SYNCRIP: variants seen among roughly 807,000 people sequenced by gnomAD.
SYNCRIP encodes the protein synaptotagmin binding cytoplasmic RNA interacting protein.
Under a neutral mutation model 68.9 loss-of-function variants are expected in SYNCRIP, and 9 were observed. The observed-to-expected ratio is 0.13, with a 90% CI of 0.08 to 0.23. The LOEUF is 0.23. Among genes scored for constraint, SYNCRIP ranks in the 10% least tolerant of loss-of-function variants. The pLI is 1.00. For synonymous variants in SYNCRIP, 258 were observed against 254.0 expected (o/e 1.02, Z -0.15); for missense variants, 414 against 770.6 (o/e 0.54, Z 5.48).
At chr6:85,612,842 C>T (rs765137537), downstream of SYNCRIP, 6 of 1,547,964 alleles carry the variant, frequency 3.9e-6, no homozygotes, top group Non-Finnish European at 5.2e-6. Context: ...CATTACTCCA[C>T]TGCAAGCTTC....
chr6:85,627,265 C>T (rs1206897897), intron 6 of SYNCRIP, among the ~76,000 whole-genome samples: 2 of 140,186 alleles, frequency 1.4e-5, no homozygotes, highest in Non-Finnish European at 3.1e-5. Context: ...AAGACTCCAT[C>T]TCTACAAAAA....
In SYNCRIP at chr6:85,614,466, G is replaced by A; in HGVS notation, c.*290C>T. On this transcript the variant is annotated 3_prime_UTR_variant, in exon 11 of 11. Coordinates refer to ENST00000369622, the MANE Select transcript of SYNCRIP (RefSeq NM_006372.5). ...TCTAAACACTACTGGAAACATCGTT[G>A]ACACTACAGCCAAATGGACTTGAGC... The A allele has an allele frequency of 9.0e-7, 1 of 1,108,982 alleles. No homozygotes were observed. Among genetic ancestry groups the A allele is most frequent in the Non-Finnish European group, 1.1e-6 (1 of 909,890 alleles). 68.7% of individuals were successfully genotyped at this position (1,108,982 alleles called of 1,614,324 possible). A position where few individuals can be genotyped will look rare whatever the true frequency, so the allele number is the denominator to read the frequency against.
chr6:85,642,467 A>AC (rs1809314194), intron 1 of SYNCRIP, among the ~76,000 whole-genome samples: 1 of 151,744 alleles, frequency 6.6e-6, no homozygotes, highest in African/African-American at 2.4e-5. Context: ...GCAGGACAAG[A>AC]CCCACTCCTC....
chr6:85,622,085 T>G (rs1160721860), intron 8 of SYNCRIP, among the ~76,000 whole-genome samples: 1 of 152,076 alleles, frequency 6.6e-6, no homozygotes, highest in Non-Finnish European at 1.5e-5. Flanking sequence ...AAAAAATGTG[T>G]CCAGGGCCAG....
intron 6 of SYNCRIP, among the ~76,000 whole-genome samples, chr6:85,631,306 T>TCCAG (rs1235488782): frequency 3.8e-5 from 5 of 130,956 alleles, no homozygotes; most frequent in African/African-American, 1.5e-4. Context: ...ACCACTGCCC[T>TCCAG]CCAGCCTGGG....
At chr6:85,640,085 A>T in intron 4 of SYNCRIP, 136 bp downstream of exon 4, 1 of 644,968 alleles carries the variant, frequency 1.6e-6, no homozygotes, top group Non-Finnish European at 2.6e-6. Context: ...AAAAAAACTT[A>T]AAAAAAGGAA....
At chr6:85,613,348 G>A (rs1261644095), downstream of SYNCRIP, among the ~76,000 whole-genome samples, 1 of 152,158 alleles carries the variant, frequency 6.6e-6, no homozygotes, top group Non-Finnish European at 1.5e-5. Flanking sequence ...TTGAAATTTA[G>A]TGACATTTTT....
chr6:85,610,819 C>T (rs1224813935), downstream of SYNCRIP: 1 of 151,944 alleles, frequency 6.6e-6, no homozygotes, highest in Admixed American at 6.6e-5. Flanking sequence ...CTATTATATT[C>T]ATTATGTTAG....
At chr6:85,611,056 C>T (rs1260448946), downstream of SYNCRIP, 1 of 151,986 alleles carries the variant, frequency 6.6e-6, no homozygotes, top group East Asian at 1.9e-4. Flanking sequence ...TTTTAAATTA[C>T]ACTCTATGTC....
At chr6:85,630,428 C>T (rs1277531154) in intron 6 of SYNCRIP, among the ~76,000 whole-genome samples, 1 of 152,204 alleles carries the variant, frequency 6.6e-6, no homozygotes, top group Non-Finnish European at 1.5e-5. Context: ...AATGCTTGTA[C>T]ATAGACATTA....
chr6:85,640,838 TAC>T (rs146779627), intron 2 of SYNCRIP, among the ~76,000 whole-genome samples: 2,430 of 152,300 alleles, frequency 0.016, 61 homozygotes, highest in African/African-American at 0.054. Context: ...TTTTACAGTA[TAC>T]AGACTTACGA....
chr6:85,633,320 G>C (rs1381876880), intron 6 of SYNCRIP, among the ~76,000 whole-genome samples: 1 of 151,112 alleles, frequency 6.6e-6, no homozygotes, highest in Admixed American at 6.6e-5. Flanking sequence ...AAGTAGGCTG[G>C]GTGTGGTGGC....
At chr6:85,629,501 A>G (rs1252510254) in intron 6 of SYNCRIP, among the ~76,000 whole-genome samples, 1 of 148,854 alleles carries the variant, frequency 6.7e-6, no homozygotes, top group Admixed American at 6.8e-5. Flanking sequence ...CAGCCTGGTC[A>G]ACAAACTAAA....
downstream of SYNCRIP, chr6:85,607,796 T>C (rs1484880634): frequency 1.3e-5 from 2 of 152,100 alleles, no homozygotes; most frequent in Admixed American, 6.5e-5. Context: ...ATTTCCAAAA[T>C]GGTTTATTAG....
chr6:85,637,170 C>T, intron 5 of SYNCRIP, 27 bp from the exon 6 acceptor site: 2 of 1,606,972 alleles, frequency 1.2e-6, no homozygotes, highest in Non-Finnish European at 1.7e-6. Flanking sequence ...AAGTAAAAAC[C>T]ATGGAGAATT....
chr6:85,614,558 T>C lies in SYNCRIP; in HGVS notation c.*198A>G. ...TTTCAGTATCTAAGAATATCTTTATTGAAAAAAATTAAAAATAAAATCAGT... is the reference window on the plus strand; with the variant it reads ...TTTCAGTATCTAAGAATATCTTTATCGAAAAAAATTAAAAATAAAATCAGT... On this transcript the variant is annotated 3_prime_UTR_variant, in exon 11 of 11. Transcript: ENST00000369622. 7.8e-7 allele frequency: 1 copy of C among 1,287,760 alleles called. No homozygotes were observed. Among genetic ancestry groups the C allele is most frequent in the Non-Finnish European group, 9.8e-7 (1 of 1,020,624 alleles). The allele number at this position is 1,287,760 out of a possible 1,614,324, so 79.8% of individuals were successfully genotyped here. A position where few individuals can be genotyped will look rare whatever the true frequency, so the allele number is the denominator to read the frequency against.
chr6:85,622,742 G>C, intron 7 of SYNCRIP, 55 bp from the exon 8 acceptor site: 3 of 1,375,518 alleles, frequency 2.2e-6, no homozygotes, highest in Non-Finnish European at 3.1e-6. Context: ...GCAAATACAA[G>C]TGGATCAAAG....
intron 4 of SYNCRIP, among the ~76,000 whole-genome samples, chr6:85,639,248 C>G (rs1007997217): frequency 1.3e-5 from 2 of 151,870 alleles, no homozygotes; most frequent in South Asian, 4.1e-4. Context: ...TTAAGCCACC[C>G]CCTTGCAAAA....
intron 6 of SYNCRIP, among the ~76,000 whole-genome samples, chr6:85,636,605 T>C (rs1318382522): frequency 1.3e-5 from 2 of 152,222 alleles, no homozygotes; most frequent in African/African-American, 2.4e-5. Flanking sequence ...TTGTGAATTA[T>C]TTAAGAAAAA....
Sources: allele counts gnomAD v4.1 joint callset (sites outside exome capture counted in the v4.1 genomes callset), GRCh38; gene constraint gnomAD v4.1.1; transcripts MANE v1.5; gene names NCBI Gene and HGNC (gene_info 2026-07-23, HGNC 2026-07-21).